The following PLCB4 variants were observed in gnomAD, a reference collection of about 807,000 sequenced individuals.
PLCB4 encodes the protein phospholipase C beta 4.
PLCB4 carries 77 observed loss-of-function variants against 178.8 expected under a neutral mutation model. That is an observed-to-expected ratio of 0.43 (90% CI 0.36 to 0.52). The LOEUF is 0.52. Ranked by LOEUF, PLCB4 falls within the 20% of genes least tolerant of loss-of-function variation. The pLI is 0.00. For missense variants in PLCB4, 1,024 were observed against 1,453.4 expected, an observed-to-expected ratio of 0.70 and a Z score of 4.80; for synonymous variants, 496 against 490.8, an observed-to-expected ratio of 1.01 and a Z score of -0.14.
At position 9,148,474 on chromosome 20, in the gene PLCB4, G is replaced by A. The variant is rs548677708; in HGVS notation, c.-79+52132G>A. ...ATTGAGTGATTACTGAAATACTGTG[G>A]CTGGAGATCCTTGGTAATAGAGTTT... On this transcript the variant is annotated intron_variant, in intron 2 of 39. Transcript: ENST00000378473. 4.6e-5 allele frequency among the ~76,000 whole-genome samples: 7 copies of A among 152,242 alleles called. No homozygotes were observed. The South Asian group carries it at 1.2e-3, about 27-fold the overall frequency.
At chr20:9,152,181 C>G (rs983095711) in intron 2 of PLCB4, among the ~76,000 whole-genome samples, 1 of 152,114 alleles carries the variant, frequency 6.6e-6, no homozygotes, top group Non-Finnish European at 1.5e-5. Context: ...TGCAAACTGA[C>G]TGTGACAGAA....
intron 1 of PLCB4, among the ~76,000 whole-genome samples, chr20:9,095,486 A>T (rs1401849333): frequency 6.6e-6 from 1 of 152,216 alleles, no homozygotes; most frequent in Non-Finnish European, 1.5e-5. Flanking sequence ...CATTTTAATT[A>T]GATTTGACCG....
chr20:9,334,160 C>T (rs908201946), intron 4 of PLCB4, among the ~76,000 whole-genome samples: 10 of 152,092 alleles, frequency 6.6e-5, no homozygotes, highest in Admixed American at 2.0e-4. Flanking sequence ...AAGGAAAAGG[C>T]GGGAAATTAG....
At chr20:9,077,113 A>G (rs1050787830) in intron 1 of PLCB4, among the ~76,000 whole-genome samples, 11 of 152,180 alleles carry the variant, frequency 7.2e-5, no homozygotes, top group Admixed American at 2.0e-4. Context: ...ACTTAACTGT[A>G]TATCATGGAG....
At chr20:9,450,658 C>CTTTTTTTTTTTTT (rs60982044) in intron 32 of PLCB4, among the ~76,000 whole-genome samples, 21 of 100,270 alleles carry the variant, frequency 2.1e-4, no homozygotes, top group East Asian at 5.7e-4. Flanking sequence ...CTTTTCTTTT[C>CTTTTTTTTTTTTT]TTTTTTTTTT....
At chr20:9,158,670 A>G (rs1457859298) in intron 2 of PLCB4, among the ~76,000 whole-genome samples, 2 of 152,124 alleles carry the variant, frequency 1.3e-5, no homozygotes, top group African/African-American at 2.4e-5. Flanking sequence ...TGCAAATAGT[A>G]GATACCCAAT....
intron 19 of PLCB4, among the ~76,000 whole-genome samples, chr20:9,396,715 T>G (rs1330892770): frequency 6.6e-6 from 1 of 152,164 alleles, no homozygotes; most frequent in African/African-American, 2.4e-5. Flanking sequence ...GAAGTAAATA[T>G]TGCAAAAAAA....
intron 2 of PLCB4, among the ~76,000 whole-genome samples, chr20:9,135,923 T>C (rs73609431): frequency 0.023 from 3,463 of 152,166 alleles, 117 homozygotes; most frequent in African/African-American, 0.077. Flanking sequence ...ACAAGAAACT[T>C]AGAGCTCCCC....
chr20:9,283,909 A>G (rs943061808), intron 3 of PLCB4, among the ~76,000 whole-genome samples: 2 of 151,970 alleles, frequency 1.3e-5, no homozygotes, highest in African/African-American at 4.8e-5. Context: ...ACTTAAGGCC[A>G]CTGTCATGTA....
At chr20:9,212,235 T>G (rs993373509) in intron 2 of PLCB4, among the ~76,000 whole-genome samples, 1 of 152,226 alleles carries the variant, frequency 6.6e-6, no homozygotes, top group Non-Finnish European at 1.5e-5. Context: ...GAAGTCTTTG[T>G]TGTACTGCAC....
chr20:9,306,034 T>G lies in PLCB4; in HGVS notation c.-15-1766T>G, dbSNP rs186054257. 8.5e-4 allele frequency among the ~76,000 whole-genome samples: 130 copies of G among 152,310 alleles called. 1 individual carries two copies. Among genetic ancestry groups the G allele is most frequent in the Middle Eastern group, 3.4e-3 (1 of 294 alleles). ...TTTTTTCACTTTGAGGACTCAAATA[T>G]TCAGGTTTCAGAAACGTTCTTCTAC... is the stretch of plus-strand genomic sequence containing the variant. On this transcript the variant is annotated intron_variant, in intron 3 of 39. Coordinates refer to ENST00000378473, the MANE Select transcript of PLCB4 (RefSeq NM_001377142.1).
chr20:9,453,339 T>G lies in PLCB4; in HGVS notation c.2881-8T>G. ...TCCAATTCATAACTGCAAATCCTTC[T>G]TGTTCAGGAACACAGTACCATGCAG... On this transcript the variant is annotated splice_region_variant and splice_polypyrimidine_tract_variant and intron_variant, in intron 32 of 39. Transcript: ENST00000378473. 6.4e-7 allele frequency: 1 copy of G among 1,560,152 alleles called. No individual in the cohort carries two copies. The highest frequency in any genetic ancestry group is 8.8e-7 in the Non-Finnish European group (1 of 1,132,196).
intron 2 of PLCB4, among the ~76,000 whole-genome samples, chr20:9,173,580 A>G (rs2093101847): frequency 6.6e-6 from 1 of 152,152 alleles, no homozygotes. Context: ...GGGGGAGATA[A>G]TGTATTCCTT....
chr20:9,209,250 G>A (rs2093646641), intron 2 of PLCB4, among the ~76,000 whole-genome samples: 1 of 152,122 alleles, frequency 6.6e-6, no homozygotes, highest in Admixed American at 6.5e-5. Context: ...GTACTGACTG[G>A]TTTTATTTAG....
chr20:9,201,591 A>C (rs557086919), intron 2 of PLCB4, among the ~76,000 whole-genome samples: 1 of 152,186 alleles, frequency 6.6e-6, no homozygotes, highest in South Asian at 2.1e-4. Context: ...ATAATAATAC[A>C]TTACTTATTT....
At chr20:9,071,493 C>T (rs1182028889) in intron 1 of PLCB4, among the ~76,000 whole-genome samples, 1 of 152,152 alleles carries the variant, frequency 6.6e-6, no homozygotes, top group Non-Finnish European at 1.5e-5. Flanking sequence ...CTTGTGATCA[C>T]ATTAGCATGC....
At chr20:9,293,622 T>TTCATTC (rs139529215) in intron 3 of PLCB4, among the ~76,000 whole-genome samples, 3 of 150,866 alleles carry the variant, frequency 2.0e-5, no homozygotes, top group South Asian at 4.3e-4. Flanking sequence ...CAGAGTAAAA[T>TTCATTC]ATTCATTCAT....
intron 32 of PLCB4, among the ~76,000 whole-genome samples, chr20:9,445,691 G>T (rs2042373848): frequency 6.6e-6 from 1 of 152,298 alleles, no homozygotes; most frequent in South Asian, 2.1e-4. Context: ...ATTCCATTCA[G>T]TGAAATTCCT....
At chr20:9,258,783 G>C (rs2094266168) in intron 3 of PLCB4, among the ~76,000 whole-genome samples, 1 of 151,322 alleles carries the variant, frequency 6.6e-6, no homozygotes, top group Admixed American at 6.6e-5. Context: ...TTCATGGTTT[G>C]GAGGTAAAAT....
Sources: allele counts gnomAD v4.1 joint callset (sites outside exome capture counted in the v4.1 genomes callset), GRCh38; gene constraint gnomAD v4.1.1; transcripts MANE v1.5; gene names NCBI Gene and HGNC (gene_info 2026-07-23, HGNC 2026-07-21).